IMPG1: variants seen among roughly 807,000 people sequenced by gnomAD.
IMPG1 encodes interphotoreceptor matrix proteoglycan 1.
IMPG1 carries 85 observed loss-of-function variants against 92.0 expected under a neutral mutation model. The ratio of observed to expected loss-of-function variants is 0.92; its 90% CI spans 0.78 to 1.11. IMPG1 has a LOEUF of 1.11. IMPG1 is among the 50% of genes least tolerant of loss of function. The pLI is 0.00. For missense variants in IMPG1, 1,022 were observed against 956.0 expected (o/e 1.07, Z -0.91); for synonymous variants, 367 against 334.1 (o/e 1.10, Z -1.08).
chr6:76,034,885 G>T, intron 2 of IMPG1, 98 bp from the exon 3 acceptor site: 1 of 981,306 alleles, frequency 1.0e-6, no homozygotes, highest in Non-Finnish European at 1.5e-6. Flanking sequence ...CATGGCTTAT[G>T]TCGACACACT....
rs1216837435 is a variant in IMPG1, at chr6:75,951,032, T to A, written c.1354A>T (p.Met452Leu). The A allele has an allele frequency of 1.2e-6, 2 of 1,613,546 alleles. No homozygotes were observed. The highest frequency in any genetic ancestry group is 1.7e-5 in the Admixed American group (1 of 59,968). ...GTCAGAGAGAAGATGCTTGATGCCA[T>A]AAAGAAAGGTGGAGCTTCTGACAGG... ...TSLSEAPPFF[M>L]ASSIFSLTDQ... Residue 452 changes from methionine (M) to leucine (L), a missense_variant, in exon 13 of 17, where the codon ATG becomes TTG. Physicochemically the swap from Met to Leu is conservative, Grantham distance 15. This residue lies in a region of IMPG1 where 681 missense variants were observed against 583.6 expected (regional missense o/e 1.17). Coordinates refer to ENST00000369950, the MANE Select transcript of IMPG1 (RefSeq NM_001563.4).
intron 12 of IMPG1, among the ~76,000 whole-genome samples, chr6:75,977,593 A>C (rs1021342417): frequency 2.6e-5 from 4 of 151,884 alleles, no homozygotes; most frequent in African/African-American, 4.8e-5. Context: ...GCCTCAAAAA[A>C]AAAAAAAACA....
Position 75,923,341 on chromosome 6 carries a change from A to C in IMPG1, c.2316+293T>G, listed in dbSNP as rs578047503. ...ATAAATTATTACTGTAAAGATTTCA[A>C]CCTTAAAATACATTTGATAAATTAC... On this transcript the variant is annotated intron_variant, in intron 16 of 16. Transcript: ENST00000369950. Among the ~76,000 whole-genome samples the C allele has an allele frequency of 1.6e-4, 25 of 152,188 alleles. No homozygotes were observed. The South Asian group carries it at 5.2e-3, about 32-fold the overall frequency.
intron 8 of IMPG1, 21 bp from the exon 9 acceptor site, chr6:76,007,521 T>G (rs1341235642): frequency 6.4e-7 from 1 of 1,572,622 alleles, no homozygotes; most frequent in Non-Finnish European, 8.7e-7. Context: ...TCATGCACAA[T>G]GGAAACATGA....
chr6:75,974,377 TTCTTTC>T (rs1782486411), intron 12 of IMPG1, among the ~76,000 whole-genome samples: 1 of 111,642 alleles, frequency 9.0e-6, no homozygotes, highest in African/African-American at 3.4e-5. Flanking sequence ...CTTTCTTTCT[TTCTTTC>T]TTTCTTTCTT....
chr6:75,981,034 A>G (rs920154035), intron 12 of IMPG1, among the ~76,000 whole-genome samples: 5 of 152,136 alleles, frequency 3.3e-5, no homozygotes, highest in African/African-American at 1.2e-4. Flanking sequence ...AAGGTTCCAC[A>G]ATTTGTCATG....
intron 7 of IMPG1, 22 bp downstream of exon 7, chr6:76,018,696 T>C (rs377580380): frequency 1.9e-6 from 3 of 1,608,506 alleles, no homozygotes; most frequent in South Asian, 2.2e-5. Context: ...GAGGTGTGGT[T>C]GTATGGGCCG....
intron 12 of IMPG1, among the ~76,000 whole-genome samples, chr6:75,995,453 A>G (rs1344754190): frequency 1.3e-5 from 2 of 152,054 alleles, no homozygotes; most frequent in African/African-American, 2.4e-5. Context: ...CTTTCCTTCA[A>G]TGTGCCACAC....
intron 12 of IMPG1, among the ~76,000 whole-genome samples, chr6:75,960,283 C>T (rs953308590): frequency 1.3e-5 from 2 of 152,176 alleles, no homozygotes; most frequent in African/African-American, 4.8e-5. Context: ...ATTGATCTTG[C>T]TGCGAGCTTC....
chr6:75,934,845 T>C, intron 14 of IMPG1: 1 of 422,298 alleles, frequency 2.4e-6, no homozygotes, highest in South Asian at 1.8e-5. Flanking sequence ...CATGTCCTAC[T>C]GGCTGTGTGC....
chr6:76,022,174 T>C lies in IMPG1; in HGVS notation c.608A>G (p.Asp203Gly), dbSNP rs999877864. 41 of 1,598,032 alleles carry C rather than the reference T, an allele frequency of 2.6e-5. No individual in the cohort carries two copies. The highest frequency in any genetic ancestry group is 3.3e-5 in the Non-Finnish European group (38 of 1,168,996). The change falls in exon 6 of 17, where the codon GAC becomes GGC. Residue 203 changes from aspartate to glycine, a missense_variant. Asp to Gly is a moderately conservative substitution (Grantham distance 94). This residue lies in a region of IMPG1 where 681 missense variants were observed against 583.6 expected (regional missense o/e 1.17). Transcript: ENST00000369950. ...SLGPFPLTPD[D>G]TLLNEILDNT... ...ATCGAGAATTTCATTGAGGAGGGTG[T>C]CATCAGGAGTGAGAGGGAAAGGCCC...
chr6:75,985,356 T>C (rs1335362814), intron 12 of IMPG1, among the ~76,000 whole-genome samples: 1 of 152,132 alleles, frequency 6.6e-6, no homozygotes, highest in Non-Finnish European at 1.5e-5. Context: ...ACACCACATT[T>C]GTATGGTTAA....
chr6:76,047,392 T>C lies in IMPG1; in HGVS notation c.68-5266A>G, dbSNP rs1459538844. Among the ~76,000 whole-genome samples, 6 of 152,358 alleles carry C rather than the reference T, an allele frequency of 3.9e-5. No homozygotes were observed. The East Asian group carries it at 1.2e-3, about 29-fold the overall frequency. On this transcript the variant is annotated intron_variant, in intron 1 of 16. Coordinates refer to ENST00000369950, the MANE Select transcript of IMPG1 (RefSeq NM_001563.4). ...CCTCCTGTTCCTCCAGGGTGGTTCA[T>C]ATCTCTATGGCATTCACTGATTCAC...
intron 7 of IMPG1, among the ~76,000 whole-genome samples, chr6:76,014,182 G>A (rs752241235): frequency 6.6e-6 from 1 of 152,198 alleles, no homozygotes; most frequent in Non-Finnish European, 1.5e-5. Flanking sequence ...ACACAGCTGG[G>A]CAGTTAGTGA....
At chr6:75,936,535 T>A (rs965179191) in intron 14 of IMPG1, among the ~76,000 whole-genome samples, 3 of 152,198 alleles carry the variant, frequency 2.0e-5, no homozygotes, top group Non-Finnish European at 4.4e-5. Flanking sequence ...AAGAGTTCTT[T>A]CTGGTTTAAA....
intron 15 of IMPG1, 140 bp downstream of exon 15, chr6:75,930,813 C>T (rs889264872): frequency 5.4e-5 from 41 of 753,326 alleles, no homozygotes; most frequent in Non-Finnish European, 8.3e-5. Context: ...TTAACAGGCC[C>T]TTTTCTGGGT....
At chr6:76,054,218 A>G (rs1784084984) in intron 1 of IMPG1, among the ~76,000 whole-genome samples, 1 of 152,162 alleles carries the variant, frequency 6.6e-6, no homozygotes. Context: ...ATGAGAAAAT[A>G]GATGTTACTG....
chr6:75,931,219 A>G, intron 14 of IMPG1, 68 bp from the exon 15 acceptor site: 1 of 1,441,138 alleles, frequency 6.9e-7, no homozygotes, highest in Non-Finnish European at 9.6e-7. Context: ...CAGCAGTCAA[A>G]GGCAAGAGAC....
At chr6:76,045,102 C>T (rs571829059) in intron 1 of IMPG1, among the ~76,000 whole-genome samples, 21 of 152,196 alleles carry the variant, frequency 1.4e-4, no homozygotes, top group African/African-American at 3.6e-4. Context: ...CCTGGGATAC[C>T]CCAGTTTATA....
Sources: allele counts gnomAD v4.1 joint callset (sites outside exome capture counted in the v4.1 genomes callset), GRCh38; gene constraint gnomAD v4.1.1; regional missense constraint gnomAD v4.1.1; transcripts MANE v1.5; gene names NCBI Gene and HGNC (gene_info 2026-07-23, HGNC 2026-07-21).